The following FHIT variants were observed in gnomAD, a reference collection of about 807,000 sequenced individuals.
FHIT encodes fragile histidine triad diadenosine triphosphatase.
A neutral mutation model predicts 17.9 loss-of-function variants in FHIT; 19 were observed. The ratio of observed to expected loss-of-function variants is 1.06; its 90% CI spans 0.74 to 1.56. FHIT has a LOEUF of 1.56. FHIT is among the 40% of genes most tolerant of loss of function. The pLI is 0.00. For missense variants in FHIT, 248 were observed against 189.2 expected (o/e 1.31, Z -1.82); for synonymous variants, 81 against 69.7 (o/e 1.16, Z -0.81).
chr3:59,926,668 G>A (rs1263792262), intron 7 of FHIT, among the ~76,000 whole-genome samples: 1 of 152,120 alleles, frequency 6.6e-6, no homozygotes, highest in East Asian at 1.9e-4. Context: ...AAATGTTTTT[G>A]AAAGCTTGAA....
intron 5 of FHIT, among the ~76,000 whole-genome samples, chr3:60,370,159 AC>A (rs1700268309): frequency 6.6e-6 from 1 of 152,090 alleles, no homozygotes; most frequent in Non-Finnish European, 1.5e-5. Flanking sequence ...AACTTACGTC[AC>A]CTGTGTTAAG....
At chr3:60,948,803 G>C (rs1202532898) in intron 3 of FHIT, among the ~76,000 whole-genome samples, 2 of 152,162 alleles carry the variant, frequency 1.3e-5, no homozygotes, top group African/African-American at 4.8e-5. Flanking sequence ...TGAGAGTCAA[G>C]TGTAGTGATT....
intron 2 of FHIT, among the ~76,000 whole-genome samples, chr3:61,138,761 C>A (rs928786351): frequency 3.9e-5 from 6 of 152,274 alleles, no homozygotes; most frequent in South Asian, 2.1e-4. Context: ...GATTTATACC[C>A]CACTAAATCC....
rs192830839 is a variant in FHIT at position 60,000,702 on chromosome 3, T to C, written c.279+10669A>G. Among the ~76,000 whole-genome samples, 364 of 152,186 alleles carry C rather than the reference T, an allele frequency of 2.4e-3. 5 individuals carry two copies. Among genetic ancestry groups the C allele is most frequent in the African/African-American group, 8.3e-3 (344 of 41,538 alleles). ...CTTAGAAACTAAAAAAAAAAACAAT[T>C]TAGGAAACCTATCATAAGCACATGT... On this transcript the variant is annotated intron_variant, in intron 7 of 9. Transcript: ENST00000492590.
intron 5 of FHIT, among the ~76,000 whole-genome samples, chr3:60,108,129 A>T (rs964760322): frequency 2.0e-5 from 3 of 152,160 alleles, no homozygotes; most frequent in Non-Finnish European, 4.4e-5. Context: ...GCTTTGCTTG[A>T]CTTTGACCGT....
chr3:60,309,066 G>C (rs548241082), intron 5 of FHIT, among the ~76,000 whole-genome samples: 21 of 152,260 alleles, frequency 1.4e-4, no homozygotes, highest in Admixed American at 3.9e-4. Context: ...GGATTCATTA[G>C]AGTGATAATT....
chr3:59,752,869 G>C (rs1464547323), intron 8 of FHIT, among the ~76,000 whole-genome samples: 2 of 152,138 alleles, frequency 1.3e-5, no homozygotes, highest in Non-Finnish European at 2.9e-5. Context: ...TTAAACTGCT[G>C]TTCCTTATAA....
intron 4 of FHIT, among the ~76,000 whole-genome samples, chr3:60,549,935 A>G (rs2036491153): frequency 6.6e-6 from 1 of 152,196 alleles, no homozygotes; most frequent in African/African-American, 2.4e-5. Flanking sequence ...AATGGCAAAA[A>G]TCTAGACCAA....
chr3:61,035,660 A>T (rs2107676485), intron 3 of FHIT, among the ~76,000 whole-genome samples: 1 of 152,330 alleles, frequency 6.6e-6, no homozygotes, highest in South Asian at 2.1e-4. Context: ...TCTCATATGT[A>T]AACTGAAAGG....
At chr3:61,056,095 C>G (rs2034207673) in intron 2 of FHIT, among the ~76,000 whole-genome samples, 1 of 152,052 alleles carries the variant, frequency 6.6e-6, no homozygotes, top group Non-Finnish European at 1.5e-5. Context: ...TTTTTTGTAT[C>G]CATTAATCTT....
chr3:59,880,164 G>A (rs916304444), intron 8 of FHIT, among the ~76,000 whole-genome samples: 2 of 152,170 alleles, frequency 1.3e-5, no homozygotes, highest in African/African-American at 4.8e-5. Flanking sequence ...CATAGCCACA[G>A]TTGGTCTCCT....
At chr3:60,911,306 T>C (rs1706728716) in intron 3 of FHIT, among the ~76,000 whole-genome samples, 1 of 152,062 alleles carries the variant, frequency 6.6e-6, no homozygotes, top group Non-Finnish European at 1.5e-5. Context: ...CAAACATGGA[T>C]TTTTATTTCT....
At chr3:59,960,661 C>T (rs529190421) in intron 7 of FHIT, among the ~76,000 whole-genome samples, 128 of 152,314 alleles carry the variant, frequency 8.4e-4, no homozygotes, top group African/African-American at 2.9e-3. Context: ...AAGCAATAAA[C>T]ATTCTCGTCA....
intron 3 of FHIT, among the ~76,000 whole-genome samples, chr3:60,979,236 C>G (rs535927380): frequency 6.6e-5 from 10 of 152,286 alleles, no homozygotes; most frequent in Non-Finnish European, 1.3e-4. Flanking sequence ...GCTCCCTTTG[C>G]TCCCATAGTA....
At chr3:60,466,972 G>C (rs1469973380) in intron 5 of FHIT, among the ~76,000 whole-genome samples, 1 of 151,850 alleles carries the variant, frequency 6.6e-6, no homozygotes, top group Admixed American at 6.6e-5. Flanking sequence ...TTACGCATTT[G>C]CTAAAATTCA....
At chr3:60,690,296 T>C in intron 4 of FHIT, 2 of 557,880 alleles carry the variant, frequency 3.6e-6, no homozygotes, top group Non-Finnish European at 7.0e-6. Flanking sequence ...AAGCGCTCCA[T>C]GGCCTCCACA....
chr3:60,015,628 C>T (rs1240472514), intron 5 of FHIT, among the ~76,000 whole-genome samples: 3 of 152,156 alleles, frequency 2.0e-5, no homozygotes, highest in Non-Finnish European at 4.4e-5. Context: ...GAATTACACC[C>T]TCACTTAGGC....
chr3:60,913,658 G>A (rs1553766446), intron 3 of FHIT, among the ~76,000 whole-genome samples: 1 of 152,162 alleles, frequency 6.6e-6, no homozygotes, highest in Non-Finnish European at 1.5e-5. Flanking sequence ...CTTCAATATT[G>A]GCAGGGCTCA....
chr3:61,194,661 A>G (rs562606427), intron 2 of FHIT, among the ~76,000 whole-genome samples: 20 of 152,362 alleles, frequency 1.3e-4, no homozygotes, highest in African/African-American at 4.3e-4. Context: ...AAGATTGAAT[A>G]TAAATAAAAG....
Sources: allele counts gnomAD v4.1 joint callset (sites outside exome capture counted in the v4.1 genomes callset), GRCh38; gene constraint gnomAD v4.1.1; transcripts MANE v1.5; gene names NCBI Gene and HGNC (gene_info 2026-07-23, HGNC 2026-07-21).